The following PRR16 variants were observed in gnomAD, a reference collection of about 807,000 sequenced individuals.
PRR16 encodes the protein proline rich 16.
A neutral mutation model predicts 18.2 loss-of-function variants in PRR16; 6 were observed. The observed-to-expected ratio is 0.33, with a 90% CI of 0.18 to 0.65. The LOEUF is 0.65. Ranked by LOEUF, PRR16 falls within the 30% of genes least tolerant of loss-of-function variation. The probability of loss-of-function intolerance (pLI) is 0.74; values close to 1 mark genes in which losing one functional copy is unlikely to be tolerated. For missense variants in PRR16, 412 were observed against 376.6 expected (o/e 1.09, Z -0.78); for synonymous variants, 151 against 147.8 (o/e 1.02, Z -0.16).
chr5:120,743,199 T>C, the PRR16 span, among the ~76,000 whole-genome samples: 2 of 152,248 alleles, frequency 1.3e-5, no homozygotes, highest in Non-Finnish European at 2.9e-5. Flanking sequence ...ATGTATTTTA[T>C]GTGGTCTATT....
At chr5:120,606,827 G>C (rs138568204) in intron 1 of PRR16, among the ~76,000 whole-genome samples, 3 of 151,920 alleles carry the variant, frequency 2.0e-5, no homozygotes, top group African/African-American at 7.3e-5. Context: ...GGATCACTTG[G>C]GCCACGAAAC....
At chr5:120,468,404 T>A (rs887676129) in intron 1 of PRR16, among the ~76,000 whole-genome samples, 10 of 152,090 alleles carry the variant, frequency 6.6e-5, no homozygotes, top group Non-Finnish European at 1.5e-4. Context: ...TTTTAAGAGG[T>A]AGTCACAGGT....
chr5:120,534,026 G>A (rs564575588), intron 1 of PRR16, among the ~76,000 whole-genome samples: 1 of 152,304 alleles, frequency 6.6e-6, no homozygotes, highest in East Asian at 1.9e-4. Flanking sequence ...AAGGCTGCAT[G>A]TGGGACAGGT....
At chr5:120,773,730 A>G in the PRR16 span, among the ~76,000 whole-genome samples, 1 of 152,114 alleles carries the variant, frequency 6.6e-6, no homozygotes. Context: ...TAGAATAAAG[A>G]TGGGGGATAT....
intron 1 of PRR16, among the ~76,000 whole-genome samples, chr5:120,668,045 A>G (rs550973264): frequency 1.6e-4 from 25 of 152,214 alleles, no homozygotes; most frequent in African/African-American, 5.8e-4. Flanking sequence ...TCTAATGTTG[A>G]CAGTGGGATG....
the PRR16 span, among the ~76,000 whole-genome samples, chr5:120,720,946 A>G: frequency 6.6e-6 from 1 of 152,038 alleles, no homozygotes; most frequent in African/African-American, 2.4e-5. Flanking sequence ...AACTATGGTA[A>G]TCTTTCAATG....
the PRR16 span, among the ~76,000 whole-genome samples, chr5:120,754,529 A>ATG: frequency 9.8e-6 from 1 of 101,892 alleles, no homozygotes; most frequent in Non-Finnish European, 1.8e-5. Context: ...TATATATTAT[A>ATG]TAATTATATG....
chr5:120,498,330 TATATAC>T (rs1750329281), intron 1 of PRR16, among the ~76,000 whole-genome samples: 1 of 148,960 alleles, frequency 6.7e-6, no homozygotes, highest in Non-Finnish European at 1.5e-5. Context: ...TACACATACA[TATATAC>T]ATATACATAT....
At chr5:120,505,974 AT>A (rs929095647) in intron 1 of PRR16, among the ~76,000 whole-genome samples, 1 of 148,226 alleles carries the variant, frequency 6.7e-6, no homozygotes, top group African/African-American at 2.5e-5. Context: ...ATATATACAC[AT>A]TTTTTCTACA....
chr5:120,659,850 C>T (rs1290648498), intron 1 of PRR16, among the ~76,000 whole-genome samples: 1 of 152,020 alleles, frequency 6.6e-6, no homozygotes, highest in Admixed American at 6.6e-5. Context: ...AGCCAGATCA[C>T]TTGATGCTTA....
chr5:120,749,916 T>A, the PRR16 span, among the ~76,000 whole-genome samples: 14 of 152,164 alleles, frequency 9.2e-5, no homozygotes, highest in African/African-American at 3.4e-4. Flanking sequence ...TTATAGAGAC[T>A]CTTTGTTTAG....
the PRR16 span, among the ~76,000 whole-genome samples, chr5:120,783,592 G>A: frequency 6.6e-6 from 1 of 151,912 alleles, no homozygotes; most frequent in South Asian, 2.1e-4. Context: ...ATTTTTATGA[G>A]TACATAATAG....
the PRR16 span, among the ~76,000 whole-genome samples, chr5:120,769,234 T>C: frequency 1.3e-5 from 2 of 151,814 alleles, no homozygotes; most frequent in African/African-American, 2.4e-5. Context: ...TGCATATATT[T>C]AATGTATATA....
chr5:120,488,131 C>A (rs191353656), intron 1 of PRR16, among the ~76,000 whole-genome samples: 3 of 152,090 alleles, frequency 2.0e-5, no homozygotes, highest in East Asian at 1.9e-4. Context: ...TGTCTCTGCC[C>A]GGCTTTGGTA....
the PRR16 span, among the ~76,000 whole-genome samples, chr5:120,713,692 C>G: frequency 6.6e-6 from 1 of 152,082 alleles, no homozygotes; most frequent in African/African-American, 2.4e-5. Flanking sequence ...GCCTTTCGCT[C>G]AGTAGTTTTT....
the PRR16 span, among the ~76,000 whole-genome samples, chr5:120,694,147 T>G: frequency 6.6e-6 from 1 of 152,234 alleles, no homozygotes; most frequent in Non-Finnish European, 1.5e-5. Context: ...TATTAATTTG[T>G]GACACTTCTT....
intron 1 of PRR16, among the ~76,000 whole-genome samples, chr5:120,606,924 T>A (rs894493113): frequency 4.6e-5 from 7 of 152,050 alleles, no homozygotes; most frequent in Non-Finnish European, 1.0e-4. Context: ...AATTGGGGTA[T>A]GCCATACTGT....
chr5:120,727,405 T>C, the PRR16 span, among the ~76,000 whole-genome samples: 3 of 152,096 alleles, frequency 2.0e-5, no homozygotes, highest in Non-Finnish European at 4.4e-5. Context: ...TATGTTCACA[T>C]AACTCCATAT....
At chr5:120,659,326 G>A (rs1414064605) in intron 1 of PRR16, among the ~76,000 whole-genome samples, 1 of 151,890 alleles carries the variant, frequency 6.6e-6, no homozygotes, top group Non-Finnish European at 1.5e-5. Context: ...TTGGTTCCTT[G>A]AGAGTTTCTG....
Sources: gnomAD v4.1 joint callset for allele counts (sites outside exome capture counted in the v4.1 genomes callset) on GRCh38, gnomAD v4.1.1 for gene constraint, MANE v1.5 for transcripts, NCBI Gene and HGNC (gene_info 2026-07-23, HGNC 2026-07-21) for gene names.